The following IRF2 variants were observed in gnomAD, a reference collection of about 807,000 sequenced individuals.
IRF2 encodes the protein interferon regulatory factor 2.
A neutral mutation model predicts 40.6 loss-of-function variants in IRF2; 15 were observed. The observed-to-expected ratio is 0.37, with a 90% CI of 0.25 to 0.57. The LOEUF (loss-of-function observed/expected upper bound fraction) is 0.57. Ranked by LOEUF, IRF2 falls within the 20% of genes least tolerant of loss-of-function variation. The probability of loss-of-function intolerance (pLI) is 0.77; values close to 1 mark genes in which losing one functional copy is unlikely to be tolerated. For missense variants in IRF2, 317 were observed against 455.7 expected (o/e 0.70, Z 2.77); for synonymous variants, 151 against 165.5 (o/e 0.91, Z 0.67).
intron 7 of IRF2, among the ~76,000 whole-genome samples, chr4:184,398,454 C>G (rs970509279): frequency 1.3e-5 from 2 of 152,082 alleles, no homozygotes; most frequent in East Asian, 1.9e-4. Context: ...GTCAGGAGCT[C>G]GAGACCAGCC....
intron 1 of IRF2, among the ~76,000 whole-genome samples, chr4:184,464,263 A>T (rs139184476): frequency 3.7e-4 from 57 of 152,054 alleles, no homozygotes; most frequent in African/African-American, 1.3e-3. Context: ...GAAGATAGGG[A>T]ATGTATAGGA....
chr4:184,409,048 A>G (rs1409408873), intron 5 of IRF2, among the ~76,000 whole-genome samples: 2 of 152,240 alleles, frequency 1.3e-5, no homozygotes, highest in East Asian at 3.8e-4. Context: ...ACAGCTCTGC[A>G]AAAGCCAGCC....
Position 184,389,082 on chromosome 4 carries a change from T to C in IRF2, c.742-16A>G. ...GTGGCCGCCCCTTTCAAGAAAGTAA[T>C]TAAGATATGTATTTCCTTCTCCTTC... is the stretch of plus-strand genomic sequence containing the variant. On this transcript the variant is annotated splice_polypyrimidine_tract_variant and intron_variant, in intron 8 of 8. Transcript: ENST00000393593. 1 of 1,611,768 alleles carries C rather than the reference T, an allele frequency of 6.2e-7. No individual in the cohort carries two copies. The highest frequency in any genetic ancestry group is 2.2e-5 in the East Asian group (1 of 44,860).
At chr4:184,429,477 G>T (rs2149904228) in intron 1 of IRF2, among the ~76,000 whole-genome samples, 1 of 152,302 alleles carries the variant, frequency 6.6e-6, no homozygotes, top group Admixed American at 6.5e-5. Flanking sequence ...CAAAGCAGTT[G>T]TGGGAAAAAA....
intron 5 of IRF2, among the ~76,000 whole-genome samples, chr4:184,417,738 G>A (rs879390849): frequency 3.3e-5 from 5 of 152,168 alleles, no homozygotes; most frequent in East Asian, 1.9e-4. Flanking sequence ...GGCCTGTGAC[G>A]GAATGTCTGT....
intron 1 of IRF2, among the ~76,000 whole-genome samples, chr4:184,468,236 C>A (rs936290678): frequency 4.6e-5 from 7 of 152,118 alleles, no homozygotes; most frequent in Admixed American, 2.6e-4. Flanking sequence ...ACCTGTAATC[C>A]GAATACTTTG....
intron 1 of IRF2, among the ~76,000 whole-genome samples, chr4:184,459,612 T>A: frequency 6.6e-6 from 1 of 152,210 alleles, no homozygotes; most frequent in East Asian, 1.9e-4. Context: ...TTTTTCAGAC[T>A]TACTAGTGTG....
intron 1 of IRF2, among the ~76,000 whole-genome samples, chr4:184,431,778 GGC>G (rs1170142539): frequency 1.2e-4 from 15 of 129,520 alleles, no homozygotes; most frequent in African/African-American, 3.4e-4. Context: ...AAACACGAGA[GGC>G]GTGTGGAAGT....
chr4:184,466,346 C>T (rs188356966), intron 1 of IRF2, among the ~76,000 whole-genome samples: 19 of 152,290 alleles, frequency 1.2e-4, no homozygotes, highest in Admixed American at 9.2e-4. Flanking sequence ...CCACCGCGCA[C>T]GGCCAATCCC....
chr4:184,473,068 G>A (rs1200444443), intron 1 of IRF2, among the ~76,000 whole-genome samples: 14 of 151,906 alleles, frequency 9.2e-5, no homozygotes, highest in Admixed American at 9.2e-4. Flanking sequence ...GCCACTGGGA[G>A]CAGGCGGGCG....
Position 184,469,835 on chromosome 4 carries a change from C to T in IRF2, c.-7+4544G>A, listed in dbSNP as rs535240047. On this transcript the variant is annotated intron_variant, in intron 1 of 8. Transcript: ENST00000393593. ...GGCCTGCTGCTTGCTCTGAATCCAA[C>T]GAGCCTCAGACGGAGTCCCAGGGAC... is the stretch of plus-strand genomic sequence containing the variant. Among the ~76,000 whole-genome samples the T allele has an allele frequency of 9.3e-4, 141 of 152,260 alleles. 1 individual carries two copies. The highest frequency in any genetic ancestry group is 3.3e-3 in the African/African-American group (136 of 41,550).
chr4:184,394,251 A>G (rs1191479164), intron 7 of IRF2, among the ~76,000 whole-genome samples: 1 of 152,126 alleles, frequency 6.6e-6, no homozygotes, highest in Non-Finnish European at 1.5e-5. Context: ...GATGATCTCA[A>G]AAGCTCTTCC....
intron 1 of IRF2, among the ~76,000 whole-genome samples, chr4:184,441,579 T>C (rs1738312827): frequency 6.6e-6 from 1 of 152,162 alleles, no homozygotes; most frequent in South Asian, 2.1e-4. Flanking sequence ...CAAGGGAGCT[T>C]TTCTGTGAGT....
At chr4:184,409,224 A>G (rs1021912628) in intron 5 of IRF2, among the ~76,000 whole-genome samples, 2 of 152,242 alleles carry the variant, frequency 1.3e-5, no homozygotes, top group Non-Finnish European at 2.9e-5. Flanking sequence ...TCATGCAAGT[A>G]GACGTGACTG....
At chr4:184,455,334 G>C (rs1373370857) in intron 1 of IRF2, among the ~76,000 whole-genome samples, 13 of 87,652 alleles carry the variant, frequency 1.5e-4, no homozygotes, top group African/African-American at 5.4e-4. Flanking sequence ...TGTAGAGAAA[G>C]GCGTCTCCCC....
At chr4:184,426,067 T>C (rs778448825) in intron 2 of IRF2, among the ~76,000 whole-genome samples, 3 of 151,940 alleles carry the variant, frequency 2.0e-5, no homozygotes, top group Non-Finnish European at 4.4e-5. Flanking sequence ...AGTGGTGCAA[T>C]CTCAGCTCAC....
chr4:184,409,798 G>A (rs1474645467), intron 5 of IRF2, among the ~76,000 whole-genome samples: 1 of 152,052 alleles, frequency 6.6e-6, no homozygotes, highest in East Asian at 1.9e-4. Flanking sequence ...GGAGGCTGCG[G>A]TGTTGGGAGG....
chr4:184,442,718 C>T (rs1738357804), intron 1 of IRF2, among the ~76,000 whole-genome samples: 1 of 151,954 alleles, frequency 6.6e-6, no homozygotes, highest in Non-Finnish European at 1.5e-5. Context: ...CGTTTTGCTT[C>T]CCACTCTAAA....
At chr4:184,454,485 G>A (rs947589103) in intron 1 of IRF2, among the ~76,000 whole-genome samples, 3 of 152,132 alleles carry the variant, frequency 2.0e-5, no homozygotes, top group African/African-American at 4.8e-5. Context: ...GAATACCTCC[G>A]AAGCAAGAAT....
Sources: gnomAD v4.1 joint callset for allele counts (sites outside exome capture counted in the v4.1 genomes callset) on GRCh38, gnomAD v4.1.1 for gene constraint, MANE v1.5 for transcripts, NCBI Gene and HGNC (gene_info 2026-07-23, HGNC 2026-07-21) for gene names.